The following XKR7 variants were observed in gnomAD, a reference collection of about 807,000 sequenced individuals.
The protein encoded by XKR7 is XK-related protein 7.
A neutral mutation model predicts 42.2 loss-of-function variants in XKR7; 11 were observed. That is an observed-to-expected ratio of 0.26 (90% CI 0.16 to 0.43). XKR7 has a LOEUF of 0.43. Among genes scored for constraint, XKR7 ranks in the 20% least tolerant of loss-of-function variants. The probability of loss-of-function intolerance (pLI) is 1.00; values close to 1 mark genes in which losing one functional copy is unlikely to be tolerated. For synonymous variants in XKR7, 346 were observed against 366.4 expected, an observed-to-expected ratio of 0.94 and a Z score of 0.64; for missense variants, 710 against 802.2, an observed-to-expected ratio of 0.89 and a Z score of 1.39.
rs2064451038 is a variant in XKR7 at position 31,968,923 on chromosome 20, C to T, written c.584+164C>T. On this transcript the variant is annotated intron_variant, in intron 1 of 2. Transcript: ENST00000562532. This position sits in a 1 kb window ranked among gnomAD's most constrained non-coding sequence, Gnocchi z 4.5. ...CTAATTTCTTCTCAGTCGGCTTCTC[C>T]CTGACCTCTGCCCCCAAGCCCTGAC... is the stretch of plus-strand genomic sequence containing the variant. Among the ~76,000 whole-genome samples the T allele has an allele frequency of 6.6e-6, 1 of 152,120 alleles. No individual in the cohort carries two copies. Among genetic ancestry groups the T allele is most frequent in the Non-Finnish European group, 1.5e-5 (1 of 68,018 alleles).
In XKR7 at chr20:31,997,574, G is replaced by A; in HGVS notation, c.*117G>A. The A allele has an allele frequency of 9.9e-7, 1 of 1,008,278 alleles. No homozygotes were observed. The highest frequency in any genetic ancestry group is 1.4e-6 in the Non-Finnish European group (1 of 707,002). 62.5% of individuals were successfully genotyped at this position (1,008,278 alleles called of 1,614,324 possible). A position where few individuals can be genotyped will look rare whatever the true frequency, so the allele number is the denominator to read the frequency against. Reference sequence around the variant, plus strand: ...GGGGAGTGGATCTGTTGGTCCAAGGGTAGAGTGGCCCCACTCTTGGGTTCT... The same window carrying A: ...GGGGAGTGGATCTGTTGGTCCAAGGATAGAGTGGCCCCACTCTTGGGTTCT... On this transcript the variant is annotated 3_prime_UTR_variant, in exon 3 of 3. Coordinates refer to ENST00000562532, the MANE Select transcript of XKR7 (RefSeq NM_001011718.2).
intron 1 of XKR7, among the ~76,000 whole-genome samples, chr20:31,991,314 G>A (rs1364593676): frequency 1.3e-5 from 2 of 152,212 alleles, no homozygotes; most frequent in Non-Finnish European, 2.9e-5. Context: ...GGAAGGGGAA[G>A]GGAATGTGGC....
intron 1 of XKR7, among the ~76,000 whole-genome samples, chr20:31,976,441 G>A (rs894730211): frequency 6.6e-6 from 1 of 151,926 alleles, no homozygotes; most frequent in African/African-American, 2.4e-5. Flanking sequence ...CTGGAGTGCA[G>A]TGGCTCGATC....
chr20:31,990,276 C>T lies in XKR7; in HGVS notation c.585-4792C>T, dbSNP rs1011460962. Among the ~76,000 whole-genome samples, 9 of 151,986 alleles carry T rather than the reference C, an allele frequency of 5.9e-5. 1 individual carries two copies. The highest frequency in any genetic ancestry group is 2.4e-5 in the African/African-American group (1 of 41,394). On this transcript the variant is annotated intron_variant, in intron 1 of 2. Transcript: ENST00000562532. ...AAACTCCCCGGTTCAAGAGATCCAC[C>T]TACCTCGGCCTCCCAAAGTGTTGGG...
chr20:31,987,450 C>T (rs2064547709), intron 1 of XKR7, among the ~76,000 whole-genome samples: 2 of 148,490 alleles, frequency 1.3e-5, no homozygotes, highest in South Asian at 4.3e-4. Context: ...ACAGACAGAC[C>T]ACCAAGCAGA....
chr20:31,978,911 G>T (rs981617268), intron 1 of XKR7, among the ~76,000 whole-genome samples: 1 of 152,092 alleles, frequency 6.6e-6, no homozygotes, highest in Non-Finnish European at 1.5e-5. Context: ...GAGGTGGGAA[G>T]ATCACTTGAG....
intron 1 of XKR7, among the ~76,000 whole-genome samples, chr20:31,969,013 A>G (rs2064451669): frequency 6.6e-6 from 1 of 152,006 alleles, no homozygotes; most frequent in African/African-American, 2.4e-5. Context: ...AAGAAAGGAG[A>G]GAAAGAGATC....
intron 1 of XKR7, among the ~76,000 whole-genome samples, chr20:31,983,570 G>C (rs558710027): frequency 6.1e-4 from 93 of 152,312 alleles, no homozygotes; most frequent in African/African-American, 2.1e-3. Flanking sequence ...TGGGAGAGAG[G>C]GAGGGTGGTG....
rs2064611537 is a variant in XKR7 at position 31,999,045 on chromosome 20, C to CA, written c.*1589dup. Reference sequence around the variant, plus strand: ...ACCCAACCCACCCCCCACCCCCCCACACACACACTCCCACAGCAACTTAGG... The same window carrying CA: ...ACCCAACCCACCCCCCACCCCCCCACAACACACACTCCCACAGCAACTTAGG... On this transcript the variant is annotated 3_prime_UTR_variant, in exon 3 of 3. Transcript: ENST00000562532. 7.1e-6 allele frequency: 1 copy of CA among 141,612 alleles called. No individual in the cohort carries two copies. Among genetic ancestry groups the CA allele is most frequent in the Non-Finnish European group, 1.5e-5 (1 of 64,660 alleles). 8.8% of individuals were successfully genotyped at this position (141,612 alleles called of 1,614,324 possible).
At chr20:31,974,888 AG>A (rs1269827287) in intron 1 of XKR7, among the ~76,000 whole-genome samples, 4 of 151,876 alleles carry the variant, frequency 2.6e-5, no homozygotes, top group Non-Finnish European at 4.4e-5. Flanking sequence ...ACCTCCTGGG[AG>A]ACCCCTCTCC....
intron 1 of XKR7, among the ~76,000 whole-genome samples, chr20:31,983,581 G>C (rs1209801660): frequency 6.6e-6 from 1 of 152,156 alleles, no homozygotes; most frequent in Non-Finnish European, 1.5e-5. Flanking sequence ...GAGGGTGGTG[G>C]GAGAGGGTCC....
chr20:31,971,831 C>T (rs1288355330), intron 1 of XKR7, among the ~76,000 whole-genome samples: 1 of 152,102 alleles, frequency 6.6e-6, no homozygotes, highest in Non-Finnish European at 1.5e-5. Flanking sequence ...GGGTGTCAGA[C>T]AAGAGGACAT....
chr20:31,992,122 C>CAA (rs2064572926), intron 1 of XKR7, among the ~76,000 whole-genome samples: 1 of 152,024 alleles, frequency 6.6e-6, no homozygotes, highest in African/African-American at 2.4e-5. Flanking sequence ...TGTCTCAAAA[C>CAA]AAAACAAAAC....
chr20:31,989,513 A>G (rs1160429146), intron 1 of XKR7, among the ~76,000 whole-genome samples: 1 of 110,174 alleles, frequency 9.1e-6, no homozygotes, highest in Non-Finnish European at 1.8e-5. Flanking sequence ...GTAGGGAGGC[A>G]GGAGTGGATG....
Position 31,968,266 on chromosome 20 carries a change from G to A in XKR7, c.91G>A (p.Gly31Arg), listed in dbSNP as rs2064443990. 1 of 1,154,196 alleles carries A rather than the reference G, an allele frequency of 8.7e-7. No homozygotes were observed. Among genetic ancestry groups the A allele is most frequent in the Non-Finnish European group, 1.1e-6 (1 of 939,046 alleles). The allele number at this position is 1,154,196 out of a possible 1,614,324, so 71.5% of individuals were successfully genotyped here. ...GGARGSAGGR[G>R]EAAAAAGPPG... ...AGCCCGGGGCAGTGCCGGCGGGCGC[G>A]GGGAGGCGGCGGCGGCGGCCGGGCC... The change falls in exon 1 of 3, where the codon GGG (glycine) becomes AGG (arginine). Residue 31 changes from glycine to arginine, a missense_variant. Transcript: ENST00000562532. This position sits in a 1 kb window ranked among gnomAD's most constrained non-coding sequence, Gnocchi z 4.5.
In XKR7 at chr20:32,001,775, C is replaced by G. The variant is rs1354327269; in HGVS notation, c.*4318C>G. On this transcript the variant is annotated 3_prime_UTR_variant, in exon 3 of 3. Coordinates refer to ENST00000562532, the MANE Select transcript of XKR7 (RefSeq NM_001011718.2). ...GACTGAAAGCCAGGACCCAAGAGTC[C>G]CATTCTGTGCTGGCCCCTGCCACCT... The G allele has an allele frequency of 6.6e-6, 1 of 152,188 alleles. No homozygotes were observed. The highest frequency in any genetic ancestry group is 1.5e-5 in the Non-Finnish European group (1 of 68,078). The allele number at this position is 152,188 out of a possible 1,614,324, so 9.4% of individuals were successfully genotyped here.
intron 2 of XKR7, 120 bp from the exon 3 acceptor site, chr20:31,996,385 C>A: frequency 1.5e-6 from 1 of 682,642 alleles, no homozygotes; most frequent in Non-Finnish European, 2.3e-6. Flanking sequence ...TGATCCACAG[C>A]TCCTTTCCTC....
chr20:31,973,976 C>T (rs1434283473), intron 1 of XKR7, among the ~76,000 whole-genome samples: 6 of 152,034 alleles, frequency 3.9e-5, no homozygotes, highest in Admixed American at 6.6e-5. Flanking sequence ...AGGCGGATCA[C>T]GAGGTCAAGA....
Position 31,999,309 on chromosome 20 carries a change from G to A in XKR7, c.*1852G>A, listed in dbSNP as rs1391147655. ...TGATGGGTAATGATGAATTGCTGGG[G>A]ATGCAGGGTAACCCCAAAGGCAGGG... On this transcript the variant is annotated 3_prime_UTR_variant, in exon 3 of 3. Coordinates refer to ENST00000562532, the MANE Select transcript of XKR7 (RefSeq NM_001011718.2). 6.6e-6 allele frequency: 1 copy of A among 152,080 alleles called. No homozygotes were observed. The allele number at this position is 152,080 out of a possible 1,614,324, so 9.4% of individuals were successfully genotyped here.
Sources: allele counts gnomAD v4.1 joint callset (sites outside exome capture counted in the v4.1 genomes callset), GRCh38; gene constraint gnomAD v4.1.1; non-coding constraint Gnocchi (gnomAD v3.1); transcripts MANE v1.5; gene names NCBI Gene and HGNC (gene_info 2026-07-23, HGNC 2026-07-21).